Variants in FAAH2 observed in about 807,000 individuals in gnomAD.
FAAH2 encodes fatty acid amide hydrolase 2.
Under a neutral mutation model 36.9 loss-of-function variants are expected in FAAH2, and 60 were observed. The ratio of observed to expected loss-of-function variants is 1.63; its 90% CI spans 1.32 to 2.02. FAAH2 has a LOEUF of 2.02. Among genes scored for constraint, FAAH2 ranks in the 30% most tolerant of loss-of-function variants. The probability of loss-of-function intolerance (pLI) is 0.00; values close to 1 mark genes in which losing one functional copy is unlikely to be tolerated. For missense variants in FAAH2, 689 were observed against 397.5 expected (o/e 1.73, Z -6.23); for synonymous variants, 214 against 143.8 (o/e 1.49, Z -3.49).
chrX:57,203,794 C>A, the FAAH2 span, among the ~76,000 whole-genome samples: 6 of 112,028 alleles, frequency 5.4e-5, no homozygotes, highest in Non-Finnish European at 1.1e-4. Flanking sequence ...AATATTTGTT[C>A]TTTTAATTTT....
intron 7 of FAAH2, among the ~76,000 whole-genome samples, chrX:57,418,485 G>T (rs916882282): frequency 4.5e-5 from 5 of 110,836 alleles, no homozygotes; most frequent in Admixed American, 9.6e-5. Flanking sequence ...TAAGCGAGGG[G>T]GTTCCCTGAC....
intron 3 of FAAH2, among the ~76,000 whole-genome samples, chrX:57,312,095 TA>T (rs1231164544): frequency 8.9e-6 from 1 of 112,196 alleles, no homozygotes; most frequent in Non-Finnish European, 1.9e-5. Context: ...GAATAGCTAA[TA>T]AAAGAAATGC....
At chrX:57,333,106 G>A (rs1261965607) in intron 4 of FAAH2, among the ~76,000 whole-genome samples, 2 of 110,904 alleles carry the variant, frequency 1.8e-5, no homozygotes, top group South Asian at 3.8e-4. Context: ...TACACAAATA[G>A]GGATTTTCTA....
chrX:57,313,788 G>A (rs1190960754), intron 3 of FAAH2, among the ~76,000 whole-genome samples: 3 of 111,179 alleles, frequency 2.7e-5, no homozygotes, highest in Non-Finnish European at 5.7e-5. Flanking sequence ...AATGACACCG[G>A]CTGTCACAGA....
chrX:57,145,910 GGTCTAT>G, the FAAH2 span, among the ~76,000 whole-genome samples: 1 of 111,201 alleles, frequency 9.0e-6, no homozygotes, highest in Non-Finnish European at 1.9e-5. Context: ...CTGTTCCATT[GGTCTAT>G]GTGCCTGTTT....
chrX:57,337,450 T>C (rs775783808), intron 4 of FAAH2, among the ~76,000 whole-genome samples: 5 of 110,656 alleles, frequency 4.5e-5, no homozygotes, highest in Non-Finnish European at 7.6e-5. Flanking sequence ...AGAGAAAAAA[T>C]AAAAATAGAA....
chrX:57,470,377 A>AG (rs2147245615), intron 10 of FAAH2, among the ~76,000 whole-genome samples: 1 of 111,815 alleles, frequency 8.9e-6, no homozygotes, highest in East Asian at 2.8e-4. Flanking sequence ...AAGAAAAGAG[A>AG]AGAATCAAAT....
At chrX:57,265,780 G>C in the FAAH2 span, among the ~76,000 whole-genome samples, 1 of 111,663 alleles carries the variant, frequency 9.0e-6, no homozygotes, top group African/African-American at 3.3e-5. Context: ...GGGCTTTGGA[G>C]AGCCCAAGCC....
At chrX:57,304,532 G>C (rs2146861790) in intron 2 of FAAH2, among the ~76,000 whole-genome samples, 1 of 111,858 alleles carries the variant, frequency 8.9e-6, no homozygotes, top group South Asian at 3.8e-4. Flanking sequence ...ATTGTGACCA[G>C]ATACCACTGG....
chrX:57,321,261 G>C lies in FAAH2; in HGVS notation c.413-10337G>C, dbSNP rs189097185. On this transcript the variant is annotated intron_variant, in intron 3 of 10. Transcript: ENST00000374900. ...ACACTGCATGTTCTCACTCAGGAGT[G>C]GGAGTTGAGTAATGAGAACACATGG... is the stretch of plus-strand genomic sequence containing the variant. Among the ~76,000 whole-genome samples, 4 of 110,434 alleles carry C rather than the reference G, an allele frequency of 3.6e-5. No homozygotes were observed. In the East Asian group the frequency reaches 1.1e-3, roughly 31 times the overall value.
intron 10 of FAAH2, among the ~76,000 whole-genome samples, chrX:57,472,243 G>A (rs756677972): frequency 1.9e-4 from 21 of 112,027 alleles, no homozygotes; most frequent in African/African-American, 6.5e-4. Context: ...ATTGACAAAT[G>A]GAATCTAATT....
intron 7 of FAAH2, among the ~76,000 whole-genome samples, chrX:57,428,383 GA>G (rs76842626): frequency 0.53 from 58,538 of 110,254 alleles, 13,749 homozygotes; most frequent in Non-Finnish European, 0.73. Flanking sequence ...CACAGAATTA[GA>G]AAAAAATCAC....
chrX:57,248,989 G>T, the FAAH2 span, among the ~76,000 whole-genome samples: 2 of 109,412 alleles, frequency 1.8e-5, no homozygotes, highest in Non-Finnish European at 3.8e-5. Context: ...AGTGTATTTT[G>T]CACTTTTATG....
chrX:57,480,217 A>G (rs1239892330), intron 10 of FAAH2, among the ~76,000 whole-genome samples: 1 of 111,775 alleles, frequency 8.9e-6, no homozygotes, highest in Non-Finnish European at 1.9e-5. Context: ...TTCTGAAACT[A>G]TTCCTATCAA....
intron 7 of FAAH2, chrX:57,395,071 A>G (rs1381535295): frequency 2.9e-5 from 16 of 549,703 alleles, no homozygotes; most frequent in Non-Finnish European, 4.7e-5. Context: ...GTGCAATAGC[A>G]TTGATCACTC....
At chrX:57,397,020 T>C (rs1019933742) in intron 7 of FAAH2, among the ~76,000 whole-genome samples, 1 of 111,980 alleles carries the variant, frequency 8.9e-6, no homozygotes, top group Non-Finnish European at 1.9e-5. Flanking sequence ...CAGTGTTGGG[T>C]GCATATATAT....
intron 5 of FAAH2, among the ~76,000 whole-genome samples, chrX:57,369,518 G>A (rs957779868): frequency 2.1e-4 from 23 of 111,830 alleles, no homozygotes; most frequent in Non-Finnish European, 3.9e-4. Context: ...ACTGACAGCA[G>A]ATTTATCAGC....
the FAAH2 span, among the ~76,000 whole-genome samples, chrX:57,261,569 A>AG: frequency 1.4e-4 from 15 of 107,878 alleles, no homozygotes; most frequent in African/African-American, 3.0e-4. Context: ...AAAAAAAAAA[A>AG]AAAAAAGAAA....
intron 7 of FAAH2, among the ~76,000 whole-genome samples, chrX:57,398,468 T>C (rs1027002209): frequency 8.9e-6 from 1 of 111,965 alleles, no homozygotes; most frequent in Non-Finnish European, 1.9e-5. Context: ...CTTTTTCTTC[T>C]CCCTCAGGAA....
Sources: allele counts gnomAD v4.1 joint callset (sites outside exome capture counted in the v4.1 genomes callset), GRCh38; gene constraint gnomAD v4.1.1; transcripts MANE v1.5; gene names NCBI Gene and HGNC (gene_info 2026-07-23, HGNC 2026-07-21).